The following HIC1 variants were observed in gnomAD, a reference collection of about 807,000 sequenced individuals.
HIC1 encodes the protein HIC ZBTB transcriptional repressor 1, also known as hypermethylated in cancer 1 protein.
Under a neutral mutation model 26.4 loss-of-function variants are expected in HIC1, and 9 were observed. The observed-to-expected ratio is 0.34, with a 90% CI of 0.21 to 0.59. HIC1 has a LOEUF of 0.59. Ranked by LOEUF, HIC1 falls within the 20% of genes least tolerant of loss-of-function variation. The pLI is 0.82. For synonymous variants in HIC1, 631 were observed against 523.1 expected (o/e 1.21, Z -2.81); for missense variants, 965 against 1,075.7 (o/e 0.90, Z 1.44).
Position 2,057,557 on chromosome 17 carries a change from C to T in HIC1, c.867C>T (p.Arg289=). Residue 289 remains arginine (R), a synonymous_variant, in exon 2 of 2, where the codon CGC becomes CGT. Coordinates refer to ENST00000619757, the MANE Select transcript of HIC1 (RefSeq NM_006497.4). ...EEAAPPSDPF[R]GGSGSPGPEP... ...CCGCACCGCCTTCCGACCCATTTCG[C>T]GGCGGCAGCGGCAGCCCGGGACCCG... 4 of 1,500,484 alleles carry T rather than the reference C, an allele frequency of 2.7e-6. No homozygotes were observed. Among genetic ancestry groups the T allele is most frequent in the Non-Finnish European group, 2.7e-6 (3 of 1,130,154 alleles). The allele number at this position is 1,500,484 out of a possible 1,614,324, so 92.9% of individuals were successfully genotyped here. A position where few individuals can be genotyped will look rare whatever the true frequency, so the allele number is the denominator to read the frequency against.
At position 2,057,971 on chromosome 17, in the gene HIC1, C is replaced by T. The variant is rs1170521203; in HGVS notation, c.1281C>T (p.Phe427=). 1 of 1,610,220 alleles carries T rather than the reference C, an allele frequency of 6.2e-7. No individual in the cohort carries two copies. The highest frequency in any genetic ancestry group is 8.5e-7 in the Non-Finnish European group (1 of 1,178,702). ...LYVCIPCGKG[F]PSSEQLNAHV... ...TGTGCATTCCGTGCGGCAAGGGCTT[C>T]CCCAGCTCTGAGCAGCTGAACGCGC... The change falls in exon 2 of 2, where the codon TTC becomes TTT. Residue 427 remains phenylalanine (F), a synonymous_variant. Transcript: ENST00000619757.
At position 2,057,548 on chromosome 17, in the gene HIC1, C is replaced by A; in HGVS notation, c.858C>A (p.Asp286Glu). ...TGGAGGAGGCCGCACCGCCTTCCGA[C>A]CCATTTCGCGGCGGCAGCGGCAGCC... ...QKLEEAAPPSDPFRGGSGSPG... is the reference protein window; with the variant it reads ...QKLEEAAPPSEPFRGGSGSPG... Residue 286 changes from aspartate to glutamate, a missense_variant, in exon 2 of 2, where the codon GAC (aspartate) becomes GAA (glutamate). Physicochemically the swap from Asp to Glu is conservative, Grantham distance 45 (BLOSUM62 2). This residue lies in a region of HIC1 where 526 missense variants were observed against 525.0 expected (regional missense o/e 1.00). Transcript: ENST00000619757. The A allele has an allele frequency of 6.7e-7, 1 of 1,500,290 alleles. No homozygotes were observed. The highest frequency in any genetic ancestry group is 8.8e-7 in the Non-Finnish European group (1 of 1,130,174). The allele number at this position is 1,500,290 out of a possible 1,614,324, so 92.9% of individuals were successfully genotyped here. A position where few individuals can be genotyped will look rare whatever the true frequency, so the allele number is the denominator to read the frequency against.
chr17:2,056,323 A>G, intron 1 of HIC1: 1 of 1,613,556 alleles, frequency 6.2e-7, no homozygotes, highest in East Asian at 2.2e-5. Context: ...ACTTTTCCTG[A>G]AGCGGACATT....
In HIC1 at chr17:2,055,613, C is replaced by T. The variant is rs1268152834; in HGVS notation, c.-21+375C>T. 6.7e-6 allele frequency among the ~76,000 whole-genome samples: 1 copy of T among 149,396 alleles called. No homozygotes were observed. Among genetic ancestry groups the T allele is most frequent in the Non-Finnish European group, 1.5e-5 (1 of 67,104 alleles). ...CCGCCGCGGGGAGGGGAGCCCGGCC[C>T]GCCGGGACCGCAGGTAACGGGCCGC... On this transcript the variant is annotated intron_variant, in intron 1 of 1. Transcript: ENST00000619757. The surrounding 1 kb of genome is among the most constrained non-coding windows in gnomAD (Gnocchi z 6.4).
rs1420270985 is a variant in HIC1 at position 2,060,041 on chromosome 17, A to G, written c.*1206A>G. ...TCTAGGGGACTCCTACCCCCAAACT[A>G]CTGGCCTTGGCTCCCCTACACGGTA... On this transcript the variant is annotated 3_prime_UTR_variant, in exon 2 of 2. Transcript: ENST00000619757. The G allele has an allele frequency of 2.6e-5, 4 of 152,176 alleles. No individual in the cohort carries two copies. Among genetic ancestry groups the G allele is most frequent in the African/African-American group, 7.3e-5 (3 of 41,314 alleles). The allele number at this position is 152,176 out of a possible 1,614,324, so 9.4% of individuals were successfully genotyped here.
chr17:2,055,765 C>T lies in HIC1; in HGVS notation c.-21+527C>T, dbSNP rs1391985387. On this transcript the variant is annotated intron_variant, in intron 1 of 1. Coordinates refer to ENST00000619757, the MANE Select transcript of HIC1 (RefSeq NM_006497.4). This position sits in a 1 kb window ranked among gnomAD's most constrained non-coding sequence, Gnocchi z 6.4. The stretch of plus-strand genomic sequence containing the variant: ...CGAGGAAGAGCTGCGAGCCGAGGGC[C>T]TGGGGCCGGCGCACTCCTCCCGCCC... Among the ~76,000 whole-genome samples, 6 of 151,754 alleles carry T rather than the reference C, an allele frequency of 4.0e-5. No homozygotes were observed. The highest frequency in any genetic ancestry group is 6.6e-5 in the Admixed American group (1 of 15,250).
At position 2,062,396 on chromosome 17, in the gene HIC1, C is replaced by T. The variant is rs1165487289; in HGVS notation, c.*3561C>T. ...CAAGTACATACACTTGGACATATAA[C>T]CTTTTTTTCCTACAGCATCATGATC... On this transcript the variant is annotated 3_prime_UTR_variant, in exon 2 of 2. Coordinates refer to ENST00000619757, the MANE Select transcript of HIC1 (RefSeq NM_006497.4). 6.6e-6 allele frequency: 1 copy of T among 152,190 alleles called. No individual in the cohort carries two copies. The highest frequency in any genetic ancestry group is 1.5e-5 in the Non-Finnish European group (1 of 68,038). The allele number at this position is 152,190 out of a possible 1,614,324, so 9.4% of individuals were successfully genotyped here. A position where few individuals can be genotyped will look rare whatever the true frequency, so the allele number is the denominator to read the frequency against.
rs1391139410 is a variant in HIC1 at position 2,057,634 on chromosome 17, A to G, written c.944A>G (p.His315Arg). 1.1e-5 allele frequency: 16 copies of G among 1,515,904 alleles called. No homozygotes were observed. The highest frequency in any genetic ancestry group is 1.4e-5 in the Non-Finnish European group (16 of 1,139,266). The allele number at this position is 1,515,904 out of a possible 1,614,324, so 93.9% of individuals were successfully genotyped here. ...AGTCTCCTCTATCGCTGGATGAAGC[A>G]CGAGCCGGGCCTGGGTAGCTATGGC... ...GPSLLYRWMKHEPGLGSYGDE... is the reference protein window; with the variant it reads ...GPSLLYRWMKREPGLGSYGDE... The change falls in exon 2 of 2, where the codon CAC (histidine) becomes CGC (arginine). Residue 315 changes from histidine (H) to arginine (R), a missense_variant. His to Arg is a conservative substitution (Grantham distance 29). Around this residue, in one of 6 missense-constraint regions of HIC1, gnomAD observed 526 missense variants for 525.0 expected, o/e 1.00. Transcript: ENST00000619757.
chr17:2,057,555 C>CGCGGCG lies in HIC1; in HGVS notation c.868_873dup (p.Gly290_Gly291dup), dbSNP rs1451968251. 2 of 1,500,134 alleles carry CGCGGCG rather than the reference C, an allele frequency of 1.3e-6. No individual in the cohort carries two copies. The highest frequency in any genetic ancestry group is 1.8e-6 in the Non-Finnish European group (2 of 1,130,096). 92.9% of individuals were successfully genotyped at this position (1,500,134 alleles called of 1,614,324 possible). The stretch of plus-strand genomic sequence containing the variant: ...GGCCGCACCGCCTTCCGACCCATTT[C>CGCGGCG]GCGGCGGCAGCGGCAGCCCGGGACC... On this transcript the variant is annotated inframe_insertion, in exon 2 of 2. Coordinates refer to ENST00000619757, the MANE Select transcript of HIC1 (RefSeq NM_006497.4).
In HIC1 at chr17:2,055,349, G is replaced by C. The variant is rs2067661872; in HGVS notation, c.-21+111G>C. The C allele has an allele frequency of 6.6e-6, 1 of 152,206 alleles. No homozygotes were observed. The highest frequency in any genetic ancestry group is 2.4e-5 in the African/African-American group (1 of 41,450). 9.4% of individuals were successfully genotyped at this position (152,206 alleles called of 1,614,324 possible). A position where few individuals can be genotyped will look rare whatever the true frequency, so the allele number is the denominator to read the frequency against. Reference sequence around the variant, plus strand: ...TGGCGCGGGTGCCCCATCGCGGCTGGCGGCTGGCGTTCAGGGCTCCGGGTG... The same window carrying C: ...TGGCGCGGGTGCCCCATCGCGGCTGCCGGCTGGCGTTCAGGGCTCCGGGTG... On this transcript the variant is annotated intron_variant, in intron 1 of 1. Coordinates refer to ENST00000619757, the MANE Select transcript of HIC1 (RefSeq NM_006497.4). This position sits in a 1 kb window ranked among gnomAD's most constrained non-coding sequence, Gnocchi z 6.4.
chr17:2,061,255 C>T lies in HIC1; in HGVS notation c.*2420C>T. The stretch of plus-strand genomic sequence containing the variant: ...CAGCTGCTGTTGCTGTAGCCAGCCA[C>T]CTCCCTGCTAAATCCTGGCAGCCCA... On this transcript the variant is annotated 3_prime_UTR_variant, in exon 2 of 2. Coordinates refer to ENST00000619757, the MANE Select transcript of HIC1 (RefSeq NM_006497.4). 2.2e-6 allele frequency: 1 copy of T among 458,266 alleles called. No homozygotes were observed. Among genetic ancestry groups the T allele is most frequent in the Non-Finnish European group, 4.0e-6 (1 of 250,920 alleles). 28.4% of individuals were successfully genotyped at this position (458,266 alleles called of 1,614,324 possible).
Position 2,057,728 on chromosome 17 carries a change from C to A in HIC1, c.1038C>A (p.Val346=). ...RCEERGGDAA[V]SPGGPPLGLA... is the part of the protein sequence containing the mutation. ...AAGAGCGTGGTGGGGACGCGGCCGT[C>A]TCGCCCGGGGGGCCCCCGCTCGGCC... Residue 346 remains valine (V), a synonymous_variant, in exon 2 of 2, where the codon GTC becomes GTA. Transcript: ENST00000619757. 1 of 1,421,328 alleles carries A rather than the reference C, an allele frequency of 7.0e-7. No homozygotes were observed. Among genetic ancestry groups the A allele is most frequent in the Non-Finnish European group, 9.2e-7 (1 of 1,092,692 alleles). The allele number at this position is 1,421,328 out of a possible 1,614,324, so 88.0% of individuals were successfully genotyped here.
chr17:2,059,157 T>TAGG lies in HIC1; in HGVS notation c.*324_*325insGAG. The TAGG allele has an allele frequency of 3.5e-6, 1 of 289,442 alleles. No homozygotes were observed. Among genetic ancestry groups the TAGG allele is most frequent in the Non-Finnish European group, 6.8e-6 (1 of 147,854 alleles). 17.9% of individuals were successfully genotyped at this position (289,442 alleles called of 1,614,324 possible). A position where few individuals can be genotyped will look rare whatever the true frequency, so the allele number is the denominator to read the frequency against. On this transcript the variant is annotated 3_prime_UTR_variant, in exon 2 of 2. Coordinates refer to ENST00000619757, the MANE Select transcript of HIC1 (RefSeq NM_006497.4). ...CCCTCCCCCGGCTCCGCGCTGCTCT[T>TAGG]AGAGGGGGAGGGGTGTCACTGTCGG...
In HIC1 at chr17:2,056,365, G is replaced by A. The variant is rs371896054; in HGVS notation, c.-20-306G>A. ...AAATCGGGTAACTGTCTCCAAAAGG[G>A]TCACTGCGCCTGAACAGTTTTCTTC... is the stretch of plus-strand genomic sequence containing the variant. On this transcript the variant is annotated intron_variant, in intron 1 of 1. Coordinates refer to ENST00000619757, the MANE Select transcript of HIC1 (RefSeq NM_006497.4). 9.7e-5 allele frequency: 156 copies of A among 1,611,130 alleles called. No individual in the cohort carries two copies. The South Asian group carries it at 1.6e-3, about 16-fold the overall frequency.
At position 2,061,437 on chromosome 17, in the gene HIC1, G is replaced by T. The variant is rs572844711; in HGVS notation, c.*2602G>T. On this transcript the variant is annotated 3_prime_UTR_variant, in exon 2 of 2. Coordinates refer to ENST00000619757, the MANE Select transcript of HIC1 (RefSeq NM_006497.4). ...GGGCATCTTCCGTGCTACACTGGGC[G>T]CCTGGTGGCCTTTCAGGAACGGTTC... 1 of 1,508,632 alleles carries T rather than the reference G, an allele frequency of 6.6e-7. No homozygotes were observed. Among genetic ancestry groups the T allele is most frequent in the East Asian group, 2.5e-5 (1 of 40,232 alleles). 93.5% of individuals were successfully genotyped at this position (1,508,632 alleles called of 1,614,324 possible).
chr17:2,056,470 TC>T, intron 1 of HIC1, 200 bp from the exon 2 acceptor site: 1 of 1,337,976 alleles, frequency 7.5e-7, no homozygotes, highest in South Asian at 1.2e-5. Flanking sequence ...GCCGCTCACC[TC>T]CTGCTCCTTC....
intron 1 of HIC1, chr17:2,056,213 G>A: frequency 9.3e-7 from 1 of 1,076,926 alleles, no homozygotes. Context: ...CCCCTCCTCC[G>A]TATCACTTCC....
In HIC1 at chr17:2,058,425, G is replaced by C; in HGVS notation, c.1735G>C (p.Gly579Arg). ...GCCCTACGAGTGCCAGGTGTGCGGC[G>C]GCAAGTTCGCACAGCAACGCAACCT... ...EKPYECQVCG[G>R]KFAQQRNLIS... Residue 579 changes from glycine (G) to arginine (R), a missense_variant, in exon 2 of 2, where the codon GGC (glycine) becomes CGC (arginine). Coordinates refer to ENST00000619757, the MANE Select transcript of HIC1 (RefSeq NM_006497.4). 1 of 1,606,556 alleles carries C rather than the reference G, an allele frequency of 6.2e-7. No individual in the cohort carries two copies. Among genetic ancestry groups the C allele is most frequent in the Non-Finnish European group, 8.5e-7 (1 of 1,176,672 alleles).
In HIC1 at chr17:2,055,459, C is replaced by G. The variant is rs1216372200; in HGVS notation, c.-21+221C>G. On this transcript the variant is annotated intron_variant, in intron 1 of 1. Coordinates refer to ENST00000619757, the MANE Select transcript of HIC1 (RefSeq NM_006497.4). The surrounding 1 kb of genome is among the most constrained non-coding windows in gnomAD (Gnocchi z 6.4). ...TCAGCGGCCCGGGGCCGGCTCTGCC[C>G]GCACATGGGCTGGAGAGGCGAGGGG... Among the ~76,000 whole-genome samples the G allele has an allele frequency of 6.6e-6, 1 of 151,958 alleles. No homozygotes were observed. The highest frequency in any genetic ancestry group is 1.5e-5 in the Non-Finnish European group (1 of 67,916).
Sources: gnomAD v4.1 joint callset for allele counts (sites outside exome capture counted in the v4.1 genomes callset) on GRCh38, gnomAD v4.1.1 for gene constraint, gnomAD v4.1.1 regional missense constraint, Gnocchi (gnomAD v3.1) non-coding constraint, MANE v1.5 for transcripts, NCBI Gene and HGNC (gene_info 2026-07-23, HGNC 2026-07-21) for gene names.